The following LILRA4 variants were observed in gnomAD, a reference collection of about 807,000 sequenced individuals.
The protein encoded by LILRA4 is leukocyte immunoglobulin-like receptor subfamily A member 4.
Under a neutral mutation model 49.5 loss-of-function variants are expected in LILRA4, and 51 were observed. The observed-to-expected ratio is 1.03, with a 90% CI of 0.82 to 1.30. The LOEUF is 1.30. Ranked by LOEUF, LILRA4 falls within the 50% of genes most tolerant of loss-of-function variation. The pLI is 0.00. For missense variants in LILRA4, 624 were observed against 625.6 expected (o/e 1.00, Z 0.03); for synonymous variants, 272 against 265.6 (o/e 1.02, Z -0.23).
chr19:54,334,811 A>AAC (rs1491526445), intron 6 of LILRA4: 6 of 27,552 alleles, frequency 2.2e-4, no homozygotes, highest in African/African-American at 6.5e-4. Flanking sequence ...CTAAAAATAC[A>AAC]AAAAAAAAAA....
rs763023157 is a variant in LILRA4, at chr19:54,337,652, C to T, written c.700G>A (p.Val234Met). Residue 234 changes from valine to methionine, a missense_variant, in exon 5 of 8, where the codon GTG becomes ATG. Transcript: ENST00000291759. ...AGGGTCAGATTCTCTCCGGGGGTCA[C>T]GACAGGGCCCTGCAGGGTCAGGAGG... Reference protein sequence around the residue: ...PSLLTLQGPVVTPGENLTLQC... With the variant: ...PSLLTLQGPVMTPGENLTLQC... 31 of 1,613,338 alleles carry T rather than the reference C, an allele frequency of 1.9e-5. No homozygotes were observed. The highest frequency in any genetic ancestry group is 6.7e-5 in the East Asian group (3 of 44,886).
rs770541435 is a variant in LILRA4, at chr19:54,337,696, C to A, written c.656G>T (p.Gly219Val). Residue 219 changes from glycine to valine, a missense_variant and splice_region_variant, in exon 5 of 8, where the codon GGC becomes GTC. By Grantham distance (109) the Gly-to-Val change is moderately radical (BLOSUM62 -3). Transcript: ENST00000291759. ...CAGGAGGGAGGGCTTCCTAGACACG[C>A]CTGGAGGGAAAGATGAGTTGGGACT... Reference protein sequence around the residue: ...PSDPLQLLVSGVSRKPSLLTL... With the variant: ...PSDPLQLLVSVVSRKPSLLTL... 6.2e-7 allele frequency: 1 copy of A among 1,611,140 alleles called. No individual in the cohort carries two copies. Among genetic ancestry groups the A allele is most frequent in the Non-Finnish European group, 8.5e-7 (1 of 1,179,156 alleles).
Position 54,333,527 on chromosome 19 carries a change from A to T in LILRA4, c.*45T>A. The T allele has an allele frequency of 6.3e-7, 1 of 1,583,282 alleles. No homozygotes were observed. Among genetic ancestry groups the T allele is most frequent in the Non-Finnish European group, 8.7e-7 (1 of 1,154,656 alleles). On this transcript the variant is annotated 3_prime_UTR_variant, in exon 8 of 8. Transcript: ENST00000291759. The stretch of plus-strand genomic sequence containing the variant: ...CTTCCCCTTGATATTCTCAGCAGAC[A>T]CTTCCCCAACTGCTGCCCCAGTCTT...
chr19:54,336,674 G>A, intron 6 of LILRA4, 167 bp downstream of exon 6: 1 of 1,070,370 alleles, frequency 9.3e-7, no homozygotes, highest in Non-Finnish European at 1.3e-6. Context: ...CTCTCCTGGG[G>A]GCAGGGCCTG....
In LILRA4 at chr19:54,337,663, T is replaced by C; in HGVS notation, c.689A>G (p.Gln230Arg). The C allele has an allele frequency of 6.2e-7, 1 of 1,612,884 alleles. No individual in the cohort carries two copies. Among genetic ancestry groups the C allele is most frequent in the Non-Finnish European group, 8.5e-7 (1 of 1,179,592 alleles). ...VSRKPSLLTL[Q>R]GPVVTPGENL... ...CTCTCCGGGGGTCACGACAGGGCCC[T>C]GCAGGGTCAGGAGGGAGGGCTTCCT... The change falls in exon 5 of 8, where the codon CAG becomes CGG. Residue 230 changes from glutamine to arginine, a missense_variant. Gln to Arg is a conservative substitution (Grantham distance 43). Transcript: ENST00000291759.
intron 6 of LILRA4, chr19:54,335,212 C>T (rs1311538114): frequency 6.6e-6 from 1 of 152,046 alleles, no homozygotes; most frequent in East Asian, 1.9e-4. Flanking sequence ...TTGTAATCCC[C>T]AATGTTGGAG....
At position 54,337,991 on chromosome 19, in the gene LILRA4, G is replaced by C. The variant is rs80130995; in HGVS notation, c.600C>G (p.Asn200Lys). The change falls in exon 4 of 8, where the codon AAC (asparagine) becomes AAG (lysine). Residue 200 changes from asparagine to lysine, a missense_variant. By Grantham distance (94) the Asn-to-Lys change is moderately conservative. Coordinates refer to ENST00000291759, the MANE Select transcript of LILRA4 (RefSeq NM_012276.5). ...RGTFRCYGYE[N>K]NTPYVWSEPS... is the part of the protein sequence containing the mutation. ...GTTCCGACCACACGTATGGGGTGTT[G>C]TTTTCATAGCCGTAGCATCTGAATG... 6.2e-7 allele frequency: 1 copy of C among 1,613,932 alleles called. No homozygotes were observed. The highest frequency in any genetic ancestry group is 8.5e-7 in the Non-Finnish European group (1 of 1,179,978).
intron 6 of LILRA4, chr19:54,335,878 T>A (rs1373901074): frequency 1.3e-5 from 2 of 152,206 alleles, no homozygotes; most frequent in Non-Finnish European, 2.9e-5. Context: ...CTTTAGATAT[T>A]TGTTTTTAAA....
rs368922729 is a variant in LILRA4 at position 54,333,780 on chromosome 19, C to T, written c.1307-15G>A. 173 of 1,613,834 alleles carry T rather than the reference C, an allele frequency of 1.1e-4. 1 individual carries two copies. The African/African-American group carries it at 2.1e-3, about 20-fold the overall frequency. On this transcript the variant is annotated splice_polypyrimidine_tract_variant and intron_variant, in intron 7 of 7. Coordinates refer to ENST00000291759, the MANE Select transcript of LILRA4 (RefSeq NM_012276.5). ...GAGGTGTGGGGCTAGGGATGGTGGA[C>T]AAAGAGGTCACAGAGGTCAGGGCAG... is the stretch of plus-strand genomic sequence containing the variant.
In LILRA4 at chr19:54,333,453, A is replaced by G; in HGVS notation, c.*119T>C. 1 of 945,318 alleles carries G rather than the reference A, an allele frequency of 1.1e-6. No homozygotes were observed. The highest frequency in any genetic ancestry group is 1.6e-6 in the Non-Finnish European group (1 of 612,358). 58.6% of individuals were successfully genotyped at this position (945,318 alleles called of 1,614,324 possible). ...GAAAGCACCACAGTTTAATGGAGGA[A>G]GCATCTTCTACAGACACCCAGACAT... On this transcript the variant is annotated 3_prime_UTR_variant, in exon 8 of 8. Transcript: ENST00000291759.
At chr19:54,335,195 T>C (rs1262257132) in intron 6 of LILRA4, 3 of 152,176 alleles carry the variant, frequency 2.0e-5, no homozygotes, top group African/African-American at 4.8e-5. Flanking sequence ...TCAAATCTCA[T>C]GTTGAATTGT....
intron 5 of LILRA4, 115 bp from the exon 6 acceptor site, chr19:54,337,258 C>T (rs1191430655): frequency 3.7e-6 from 5 of 1,336,650 alleles, no homozygotes; most frequent in Admixed American, 2.3e-5. Context: ...GAGTCTCCCC[C>T]TCCCCGCCCA....
At position 54,338,726 on chromosome 19, in the gene LILRA4, A is replaced by G. The variant is rs1333899203; in HGVS notation, c.71-46T>C. ...AGGTCCCAAGATGTCCTCAACCCTC[A>G]GATCCCAGCTCTCAGCCCCAGGACC... is the stretch of plus-strand genomic sequence containing the variant. On this transcript the variant is annotated intron_variant, in intron 2 of 7. Coordinates refer to ENST00000291759, the MANE Select transcript of LILRA4 (RefSeq NM_012276.5). 1.9e-6 allele frequency: 3 copies of G among 1,590,910 alleles called. No individual in the cohort carries two copies. The African/African-American group carries it at 4.0e-5, about 21-fold the overall frequency.
chr19:54,335,873 G>A (rs1333531201), intron 6 of LILRA4: 1 of 152,170 alleles, frequency 6.6e-6, no homozygotes, highest in African/African-American at 2.4e-5. Flanking sequence ...CGTGGCTTTA[G>A]ATATTTGTTT....
In LILRA4 at chr19:54,333,428, G is replaced by C; in HGVS notation, c.*144C>G. 1.3e-6 allele frequency: 1 copy of C among 769,770 alleles called. No homozygotes were observed. Among genetic ancestry groups the C allele is most frequent in the South Asian group, 1.8e-5 (1 of 55,204 alleles). 47.7% of individuals were successfully genotyped at this position (769,770 alleles called of 1,614,324 possible). A position where few individuals can be genotyped will look rare whatever the true frequency, so the allele number is the denominator to read the frequency against. Reference sequence around the variant, plus strand: ...GTCAAGGAGAGTCGACAATGAGGAGGAAAGCACCACAGTTTAATGGAGGAA... The same window carrying C: ...GTCAAGGAGAGTCGACAATGAGGAGCAAAGCACCACAGTTTAATGGAGGAA... On this transcript the variant is annotated 3_prime_UTR_variant, in exon 8 of 8. Transcript: ENST00000291759.
intron 5 of LILRA4, 80 bp downstream of exon 5, chr19:54,337,320 C>T (rs536191455): frequency 9.7e-5 from 153 of 1,573,352 alleles, no homozygotes; most frequent in East Asian, 4.5e-4. Context: ...CCCCTCATCC[C>T]GGCCATCACC....
At chr19:54,335,924 A>T (rs1189567072) in intron 6 of LILRA4, 1 of 152,224 alleles carries the variant, frequency 6.6e-6, no homozygotes, top group Non-Finnish European at 1.5e-5. Context: ...CATATTTGAG[A>T]TGAGAAAGAT....
Position 54,337,367 on chromosome 19 carries a change from G to T in LILRA4, c.952+33C>A, listed in dbSNP as rs200439275. 1.7e-3 allele frequency: 2,712 copies of T among 1,606,478 alleles called. 41 individuals are homozygous for T. In the African/African-American group the frequency reaches 0.031, roughly 18 times the overall value. On this transcript the variant is annotated intron_variant, in intron 5 of 7. Coordinates refer to ENST00000291759, the MANE Select transcript of LILRA4 (RefSeq NM_012276.5). ...CCCAGCAGGGCCTGTGCAGAGCCTG[G>T]GTCCCCCTGACTGAACCCGCTGGGC... is the stretch of plus-strand genomic sequence containing the variant.
intron 6 of LILRA4, chr19:54,335,928 G>A (rs1231663776): frequency 6.6e-6 from 1 of 152,154 alleles, no homozygotes; most frequent in East Asian, 1.9e-4. Flanking sequence ...TTTGAGATGA[G>A]AAAGATGGGC....
Sources: gnomAD v4.1 joint callset for allele counts on GRCh38, gnomAD v4.1.1 for gene constraint, MANE v1.5 for transcripts, NCBI Gene and HGNC (gene_info 2026-07-23, HGNC 2026-07-21) for gene names.